Variants in PLCB1 observed in about 807,000 individuals in gnomAD.
PLCB1 encodes the protein 1-phosphatidylinositol 4,5-bisphosphate phosphodiesterase beta-1.
In PLCB1, 46 loss-of-function variants were observed where a neutral mutation model predicts 161.8. That is an observed-to-expected ratio of 0.28 (90% CI 0.22 to 0.36). The LOEUF (loss-of-function observed/expected upper bound fraction) is 0.36. Ranked by LOEUF, PLCB1 falls within the 10% of genes least tolerant of loss-of-function variation. The pLI, the probability that PLCB1 is intolerant of heterozygous loss-of-function variation, is 1.00. For synonymous variants in PLCB1, 517 were observed against 503.7 expected, an observed-to-expected ratio of 1.03 and a Z score of -0.35; for missense variants, 1,016 against 1,472.5, an observed-to-expected ratio of 0.69 and a Z score of 5.07.
chr20:8,592,292 TG>T (rs1987172379), intron 3 of PLCB1, among the ~76,000 whole-genome samples: 1 of 152,226 alleles, frequency 6.6e-6, no homozygotes, highest in African/African-American at 2.4e-5. Flanking sequence ...AAAAATAATG[TG>T]TTCAGGATAA....
chr20:8,551,650 G>A (rs1212404225), intron 3 of PLCB1, among the ~76,000 whole-genome samples: 1 of 152,126 alleles, frequency 6.6e-6, no homozygotes, highest in Non-Finnish European at 1.5e-5. Context: ...CAGATCCTCA[G>A]TTGTGTCATC....
chr20:8,803,431 A>ATTTTTTTTT (rs11404680), intron 31 of PLCB1, among the ~76,000 whole-genome samples: 1 of 138,366 alleles, frequency 7.2e-6, no homozygotes. Flanking sequence ...TGGGCCTTTG[A>ATTTTTTTTT]TTTTTTTTTT....
At chr20:8,503,911 T>G (rs963620408) in intron 3 of PLCB1, among the ~76,000 whole-genome samples, 13 of 152,178 alleles carry the variant, frequency 8.5e-5, no homozygotes, top group African/African-American at 2.9e-4. Flanking sequence ...ATTATGTGAC[T>G]TACAAGCATA....
At chr20:8,790,515 G>A (rs1444879158) in intron 31 of PLCB1, among the ~76,000 whole-genome samples, 1 of 152,156 alleles carries the variant, frequency 6.6e-6, no homozygotes, top group Non-Finnish European at 1.5e-5. Context: ...CTAATCTGGG[G>A]TATGGCTCAG....
intron 2 of PLCB1, among the ~76,000 whole-genome samples, chr20:8,252,832 A>G (rs1182042829): frequency 6.6e-6 from 1 of 151,938 alleles, no homozygotes; most frequent in African/African-American, 2.4e-5. Context: ...TCATGGCTAT[A>G]ATTAGCATCA....
chr20:8,648,824 CTAACT>C (rs1048986680), intron 6 of PLCB1, among the ~76,000 whole-genome samples: 2 of 151,746 alleles, frequency 1.3e-5, no homozygotes, highest in African/African-American at 4.8e-5. Context: ...GCCTGTAGTT[CTAACT>C]ACTAGGGAGG....
At chr20:8,469,449 T>G (rs1324209045) in intron 3 of PLCB1, among the ~76,000 whole-genome samples, 2 of 152,136 alleles carry the variant, frequency 1.3e-5, no homozygotes, top group African/African-American at 4.8e-5. Flanking sequence ...TTATGTCAAG[T>G]AATATTTTAG....
intron 2 of PLCB1, among the ~76,000 whole-genome samples, chr20:8,267,896 T>G (rs1982054756): frequency 6.6e-6 from 1 of 152,038 alleles, no homozygotes; most frequent in Non-Finnish European, 1.5e-5. Context: ...ATATGAAGAC[T>G]TGGCCCACAA....
intron 3 of PLCB1, among the ~76,000 whole-genome samples, chr20:8,496,167 A>G (rs1419591429): frequency 6.6e-6 from 1 of 152,176 alleles, no homozygotes; most frequent in Non-Finnish European, 1.5e-5. Context: ...GGTATGTCCC[A>G]GACTTATAAT....
At chr20:8,718,047 C>T (rs1222690188) in intron 14 of PLCB1, among the ~76,000 whole-genome samples, 199 bp downstream of exon 14, 3 of 146,398 alleles carry the variant, frequency 2.0e-5, no homozygotes, top group African/African-American at 7.4e-5. Context: ...TGGTGAAATC[C>T]TGTCTCTTGC....
chr20:8,264,517 G>A (rs950560767), intron 2 of PLCB1, among the ~76,000 whole-genome samples: 1 of 152,060 alleles, frequency 6.6e-6, no homozygotes, highest in Non-Finnish European at 1.5e-5. Context: ...TTATGTACTA[G>A]AGTTTTATAC....
chr20:8,446,491 A>G (rs1011731063), intron 3 of PLCB1, among the ~76,000 whole-genome samples: 2 of 152,200 alleles, frequency 1.3e-5, no homozygotes, highest in African/African-American at 4.8e-5. Flanking sequence ...CCCTTTGAAA[A>G]CTGGCACAAG....
chr20:8,688,583 A>G (rs1990407767), intron 10 of PLCB1, among the ~76,000 whole-genome samples: 1 of 152,070 alleles, frequency 6.6e-6, no homozygotes, highest in African/African-American at 2.4e-5. Flanking sequence ...TTACCCCAGC[A>G]CACTTTGTTG....
At chr20:8,720,110 G>C (rs142417875) in intron 14 of PLCB1, among the ~76,000 whole-genome samples, 1 of 152,140 alleles carries the variant, frequency 6.6e-6, no homozygotes, top group African/African-American at 2.4e-5. Context: ...ATCATTAACA[G>C]GCCTTTCATT....
chr20:8,474,897 G>T (rs1005645193), intron 3 of PLCB1, among the ~76,000 whole-genome samples: 5 of 151,890 alleles, frequency 3.3e-5, no homozygotes, highest in African/African-American at 1.2e-4. Context: ...ATAATATTCT[G>T]CTGCTTTCAC....
At chr20:8,719,366 T>G (rs2123471815) in intron 14 of PLCB1, among the ~76,000 whole-genome samples, 1 of 152,276 alleles carries the variant, frequency 6.6e-6, no homozygotes, top group South Asian at 2.1e-4. Flanking sequence ...CAAGAATTGC[T>G]TAAAGCAGAG....
At chr20:8,461,484 G>T (rs1436197449) in intron 3 of PLCB1, among the ~76,000 whole-genome samples, 3 of 152,064 alleles carry the variant, frequency 2.0e-5, no homozygotes, top group Non-Finnish European at 1.5e-5. Flanking sequence ...TCACAGAGTT[G>T]CTGTGTTATG....
At chr20:8,708,570 T>TG (rs1429793361) in intron 11 of PLCB1, 100 bp from the exon 12 acceptor site, 1 of 728,822 alleles carries the variant, frequency 1.4e-6, no homozygotes, top group East Asian at 2.7e-5. Flanking sequence ...TACAATTCTC[T>TG]GAATGGAAAA....
At chr20:8,819,044 T>G (rs2146261501) in intron 31 of PLCB1, among the ~76,000 whole-genome samples, 1 of 152,282 alleles carries the variant, frequency 6.6e-6, no homozygotes, top group Admixed American at 6.5e-5. Context: ...TTCCAAAATT[T>G]TTATGGTAAA....
Sources: gnomAD v4.1 joint callset for allele counts (sites outside exome capture counted in the v4.1 genomes callset) on GRCh38, gnomAD v4.1.1 for gene constraint, MANE v1.5 for transcripts, NCBI Gene and HGNC (gene_info 2026-07-23, HGNC 2026-07-21) for gene names.